Variants in DNMBP observed in about 807,000 individuals in gnomAD.
DNMBP encodes dynamin binding protein.
A neutral mutation model predicts 150.0 loss-of-function variants in DNMBP; 87 were observed. That is an observed-to-expected ratio of 0.58 (90% CI 0.49 to 0.69). The LOEUF (loss-of-function observed/expected upper bound fraction) is 0.69. Among genes scored for constraint, DNMBP ranks in the 30% least tolerant of loss-of-function variants. DNMBP has a pLI of 0.00. For synonymous variants in DNMBP, 711 were observed against 750.4 expected, an observed-to-expected ratio of 0.95 and a Z score of 0.86; for missense variants, 1,774 against 1,949.0, an observed-to-expected ratio of 0.91 and a Z score of 1.69.
chr10:99,901,016 A>G (rs1482935642), intron 6 of DNMBP, among the ~76,000 whole-genome samples: 3 of 151,916 alleles, frequency 2.0e-5, no homozygotes, highest in Non-Finnish European at 2.9e-5. Context: ...GCTCACTGCA[A>G]CCTCCACCTC....
At chr10:99,988,693 G>C (rs976939765) in intron 1 of DNMBP, among the ~76,000 whole-genome samples, 1 of 151,746 alleles carries the variant, frequency 6.6e-6, no homozygotes, top group Admixed American at 6.6e-5. Flanking sequence ...ACGGAGTCTT[G>C]CTCTGTCACC....
chr10:99,981,595 A>G (rs1333401726), intron 1 of DNMBP, among the ~76,000 whole-genome samples: 1 of 152,232 alleles, frequency 6.6e-6, no homozygotes, highest in Non-Finnish European at 1.5e-5. Flanking sequence ...CAAACAGTTT[A>G]ATAAGTAATT....
intron 1 of DNMBP, among the ~76,000 whole-genome samples, chr10:99,998,199 T>C (rs10430624): frequency 0.94 from 139,895 of 148,484 alleles, 66,063 homozygotes; most frequent in African/African-American, 0.98. Context: ...CGCGCCACTG[T>C]ACTCCAGCCT....
chr10:99,918,476 C>G (rs1167853728), intron 4 of DNMBP, among the ~76,000 whole-genome samples: 1 of 152,024 alleles, frequency 6.6e-6, no homozygotes, highest in Non-Finnish European at 1.5e-5. Context: ...AGACCCAGCT[C>G]AAAGCCTCCC....
At chr10:99,902,836 G>A (rs1051048498) in intron 6 of DNMBP, among the ~76,000 whole-genome samples, 8 of 151,646 alleles carry the variant, frequency 5.3e-5, no homozygotes, top group African/African-American at 1.5e-4. Context: ...ACTGAGGCAG[G>A]AGAATCGTTT....
intron 14 of DNMBP, among the ~76,000 whole-genome samples, chr10:99,884,566 T>C (rs185348728): frequency 1.3e-5 from 2 of 152,326 alleles, no homozygotes; most frequent in East Asian, 1.9e-4. Context: ...GGTTCATCTA[T>C]CTTGACTTCC....
intron 4 of DNMBP, among the ~76,000 whole-genome samples, chr10:99,941,470 A>AT (rs879833118): frequency 0.011 from 1,647 of 143,436 alleles, 23 homozygotes; most frequent in African/African-American, 0.033. Flanking sequence ...ACTCTTCTCA[A>AT]TTTTTTTTTT....
rs776789328 is a variant in DNMBP, at chr10:99,886,626, T to A, written c.3292A>T (p.Arg1098Trp). 2 of 1,611,752 alleles carry A rather than the reference T, an allele frequency of 1.2e-6. No homozygotes were observed. The highest frequency in any genetic ancestry group is 1.3e-5 in the African/African-American group (1 of 74,768). ...SDQLFTNFKE[R>W]TERLVISPLN... is the part of the protein sequence containing the mutation. ...GGGGAGATGACAAGCCGCTCTGTCC[T>A]CTCCTTCTGTAGGGACGAGAAAGGC... Residue 1098 changes from arginine to tryptophan, a missense_variant, in exon 13 of 17, where the codon AGG (arginine) becomes TGG (tryptophan). Physicochemically the swap from Arg to Trp is moderately radical, Grantham distance 101. This residue lies in a region of DNMBP where 1,430 missense variants were observed against 1,492.5 expected (regional missense o/e 0.96). Transcript: ENST00000324109.
chr10:99,891,568 A>G (rs1352535423), intron 11 of DNMBP, among the ~76,000 whole-genome samples: 1 of 151,846 alleles, frequency 6.6e-6, no homozygotes, highest in African/African-American at 2.4e-5. Flanking sequence ...CAAAGTGCCG[A>G]GATTGCAGCC....
chr10:99,898,801 T>C, intron 7 of DNMBP, 41 bp from the exon 8 acceptor site: 4 of 1,582,730 alleles, frequency 2.5e-6, no homozygotes, highest in Non-Finnish European at 3.5e-6. Context: ...GACAGTTTAT[T>C]AGAGAGAGAA....
At chr10:99,924,370 G>C (rs921304162) in intron 4 of DNMBP, among the ~76,000 whole-genome samples, 1 of 152,178 alleles carries the variant, frequency 6.6e-6, no homozygotes, top group African/African-American at 2.4e-5. Flanking sequence ...ATGGACCCAG[G>C]AAGCAGAGCT....
At chr10:99,932,608 G>C (rs2040172549) in intron 4 of DNMBP, among the ~76,000 whole-genome samples, 1 of 149,930 alleles carries the variant, frequency 6.7e-6, no homozygotes, top group East Asian at 2.0e-4. Flanking sequence ...ACCCAGGACT[G>C]CAGTCAGACT....
intron 4 of DNMBP, among the ~76,000 whole-genome samples, chr10:99,933,952 G>A (rs1589426480): frequency 6.6e-6 from 1 of 152,140 alleles, no homozygotes; most frequent in African/African-American, 2.4e-5. Flanking sequence ...TAGCCAGGAT[G>A]GTCTCAATCT....
At chr10:99,933,408 C>G (rs1391152568) in intron 4 of DNMBP, among the ~76,000 whole-genome samples, 1 of 152,202 alleles carries the variant, frequency 6.6e-6, no homozygotes, top group African/African-American at 2.4e-5. Flanking sequence ...TTCACCTTTA[C>G]TGTGTAGAAA....
At chr10:99,882,257 G>A (rs1222565044) in intron 15 of DNMBP, among the ~76,000 whole-genome samples, 3 of 152,196 alleles carry the variant, frequency 2.0e-5, no homozygotes, top group African/African-American at 4.8e-5. Context: ...TTGCTCAACA[G>A]GTACAAAGTT....
At chr10:99,906,320 A>G (rs1039862310) in intron 6 of DNMBP, among the ~76,000 whole-genome samples, 7 of 152,154 alleles carry the variant, frequency 4.6e-5, no homozygotes, top group African/African-American at 1.7e-4. Context: ...AAAGGTTTGC[A>G]AACTCTTAAA....
chr10:99,902,885 G>A (rs1188494233), intron 6 of DNMBP, among the ~76,000 whole-genome samples: 12 of 151,030 alleles, frequency 7.9e-5, no homozygotes, highest in Non-Finnish European at 1.6e-4. Flanking sequence ...CAGAGGTCGT[G>A]CCACTGCACT....
At chr10:99,998,173 T>C (rs192130132) in intron 1 of DNMBP, among the ~76,000 whole-genome samples, 1 of 148,144 alleles carries the variant, frequency 6.8e-6, no homozygotes, top group Non-Finnish European at 1.5e-5. Context: ...AGGTGGAGGT[T>C]GCAATGAGCA....
At chr10:100,006,161 G>C (rs1464336959) in intron 1 of DNMBP, among the ~76,000 whole-genome samples, 1 of 152,204 alleles carries the variant, frequency 6.6e-6, no homozygotes, top group African/African-American at 2.4e-5. Context: ...GTACAAAAGG[G>C]ATGAGCAGAG....
Sources: gnomAD v4.1 joint callset for allele counts (sites outside exome capture counted in the v4.1 genomes callset) on GRCh38, gnomAD v4.1.1 for gene constraint, gnomAD v4.1.1 regional missense constraint, MANE v1.5 for transcripts, NCBI Gene and HGNC (gene_info 2026-07-23, HGNC 2026-07-21) for gene names.